The following TMEM39B variants were observed in gnomAD, a reference collection of about 807,000 sequenced individuals.
TMEM39B encodes transmembrane protein 39B.
A neutral mutation model predicts 52.2 loss-of-function variants in TMEM39B; 23 were observed. The ratio of observed to expected loss-of-function variants is 0.44; its 90% CI spans 0.32 to 0.62. The LOEUF (loss-of-function observed/expected upper bound fraction) is 0.62. TMEM39B is among the 20% of genes least tolerant of loss of function. The probability of loss-of-function intolerance (pLI) is 0.06; values close to 1 mark genes in which losing one functional copy is unlikely to be tolerated. For synonymous variants in TMEM39B, 285 were observed against 264.0 expected, an observed-to-expected ratio of 1.08 and a Z score of -0.77; for missense variants, 547 against 642.0, an observed-to-expected ratio of 0.85 and a Z score of 1.60.
chr1:32,102,733 G>C lies in TMEM39B; in HGVS notation c.*60G>C. On this transcript the variant is annotated 3_prime_UTR_variant, in exon 9 of 9. Coordinates refer to ENST00000336294, the MANE Select transcript of TMEM39B (RefSeq NM_018056.4). ...TCAGCCAAGGGCTCCCTGGCAAGGGGCTGTTGGGTAGAAGTGGTGGTGGGG... is the reference window on the plus strand; with the variant it reads ...TCAGCCAAGGGCTCCCTGGCAAGGGCCTGTTGGGTAGAAGTGGTGGTGGGG... 7.0e-7 allele frequency: 1 copy of C among 1,420,336 alleles called. No homozygotes were observed. Among genetic ancestry groups the C allele is most frequent in the Non-Finnish European group, 9.3e-7 (1 of 1,080,606 alleles). The allele number at this position is 1,420,336 out of a possible 1,614,324, so 88.0% of individuals were successfully genotyped here.
intron 5 of TMEM39B, among the ~76,000 whole-genome samples, chr1:32,083,994 G>GAC (rs59029097): frequency 5.4e-4 from 82 of 150,510 alleles, no homozygotes; most frequent in African/African-American, 1.1e-3. Context: ...CAGACACACA[G>GAC]ACACACACAC....
At chr1:32,102,291 C>T in intron 8 of TMEM39B, 140 bp from the exon 9 acceptor site, 1 of 1,161,858 alleles carries the variant, frequency 8.6e-7, no homozygotes, top group Non-Finnish European at 1.2e-6. Flanking sequence ...CCACATCCAA[C>T]CCCAGAAAGT....
intron 1 of TMEM39B, 40 bp from the exon 2 acceptor site, chr1:32,074,910 GC>G (rs1180393357): frequency 2.0e-6 from 3 of 1,528,274 alleles, no homozygotes; most frequent in East Asian, 2.5e-5. Flanking sequence ...CTTGATATAT[GC>G]CCCCTGGCTT....
intron 5 of TMEM39B, 114 bp from the exon 6 acceptor site, chr1:32,091,561 T>C: frequency 8.1e-7 from 1 of 1,238,454 alleles, no homozygotes; most frequent in East Asian, 2.5e-5. Context: ...AATTCTCCCC[T>C]CTGGGCAGCC....
At chr1:32,073,252 C>G in intron 1 of TMEM39B, 3 of 479,676 alleles carry the variant, frequency 6.3e-6, no homozygotes, top group Non-Finnish European at 9.1e-6. Flanking sequence ...GGACGGTGGG[C>G]GGGGCTTCTA....
At chr1:32,080,966 G>A (rs1640069709) in intron 5 of TMEM39B, among the ~76,000 whole-genome samples, 1 of 151,954 alleles carries the variant, frequency 6.6e-6, no homozygotes, top group Non-Finnish European at 1.5e-5. Flanking sequence ...TGGATTTGAG[G>A]CCGAAGTGAG....
intron 5 of TMEM39B, among the ~76,000 whole-genome samples, chr1:32,081,945 A>G (rs1413309253): frequency 6.6e-6 from 1 of 152,144 alleles, no homozygotes; most frequent in African/African-American, 2.4e-5. Context: ...TTCTACGCAT[A>G]TACAAACATA....
intron 1 of TMEM39B, chr1:32,073,814 G>T: frequency 1.0e-6 from 1 of 985,442 alleles, no homozygotes; most frequent in Non-Finnish European, 1.2e-6. Flanking sequence ...ACGCTTCCGA[G>T]CTGAGATGCT....
At position 32,102,508 on chromosome 1, in the gene TMEM39B, C is replaced by T. The variant is rs763949038; in HGVS notation, c.1314C>T (p.Tyr438=). ...GCGCTGTCATTGTCTATCAGCTGTA[C>T]TCCCTAATGTCCTCTGAAAAGTGGC... The part of the protein sequence containing the change: ...LEGAVIVYQL[Y]SLMSSEKWHQ... The change falls in exon 9 of 9, where the codon TAC becomes TAT. Residue 438 remains tyrosine, a synonymous_variant. Coordinates refer to ENST00000336294, the MANE Select transcript of TMEM39B (RefSeq NM_018056.4). 2 of 1,614,222 alleles carry T rather than the reference C, an allele frequency of 1.2e-6. No homozygotes were observed. Among genetic ancestry groups the T allele is most frequent in the South Asian group, 1.1e-5 (1 of 91,088 alleles).
At chr1:32,101,815 T>C (rs1641029225) in intron 8 of TMEM39B, among the ~76,000 whole-genome samples, 2 of 152,164 alleles carry the variant, frequency 1.3e-5, no homozygotes, top group South Asian at 2.1e-4. Context: ...CCCTAGACAC[T>C]GTGCACTCTT....
intron 7 of TMEM39B, among the ~76,000 whole-genome samples, chr1:32,099,667 A>C (rs1410110304): frequency 6.6e-6 from 1 of 152,128 alleles, no homozygotes; most frequent in Non-Finnish European, 1.5e-5. Context: ...CTGTGTGGTG[A>C]GGGTTGTGGG....
chr1:32,090,214 T>G (rs1640546471), intron 5 of TMEM39B, among the ~76,000 whole-genome samples: 1 of 152,040 alleles, frequency 6.6e-6, no homozygotes, highest in Non-Finnish European at 1.5e-5. Context: ...TTATAATTAC[T>G]TTTCTAGACT....
At chr1:32,079,416 C>T (rs1166374478) in intron 5 of TMEM39B, among the ~76,000 whole-genome samples, 2 of 151,896 alleles carry the variant, frequency 1.3e-5, no homozygotes, top group Non-Finnish European at 2.9e-5. Flanking sequence ...AATCTCCTGA[C>T]CTCATGATCT....
In TMEM39B at chr1:32,083,986, G is replaced by GACACACACACACACACACACACAC. The variant is rs779224876; in HGVS notation, c.590+6675_590+6676insCACACACACACACACACACACACA. Among the ~76,000 whole-genome samples the GACACACACACACACACACACACAC allele has an allele frequency of 1.0e-2, 1,510 of 151,444 alleles. 37 individuals carry two copies. The highest frequency in any genetic ancestry group is 0.035 in the African/African-American group (1,453 of 41,004). ...GGCAATAGAGCAAGACCCTGTTTCAGACACACAGACACACACACACACACA... is the reference window on the plus strand; with the variant it reads ...GGCAATAGAGCAAGACCCTGTTTCAGACACACACACACACACACACACACACACACAGACACACACACACACACA... On this transcript the variant is annotated intron_variant, in intron 5 of 8. Coordinates refer to ENST00000336294, the MANE Select transcript of TMEM39B (RefSeq NM_018056.4).
chr1:32,096,271 G>A (rs1640802715), intron 7 of TMEM39B, among the ~76,000 whole-genome samples: 2 of 152,022 alleles, frequency 1.3e-5, no homozygotes, highest in African/African-American at 4.8e-5. Flanking sequence ...TGACCATCCA[G>A]AATGGGTTCA....
chr1:32,077,935 G>A (rs1482205248), intron 5 of TMEM39B, among the ~76,000 whole-genome samples: 2 of 152,118 alleles, frequency 1.3e-5, no homozygotes, highest in Admixed American at 6.6e-5. Flanking sequence ...CCCATTTCTC[G>A]CCTTGCATCA....
chr1:32,093,240 A>G (rs1295176267), intron 6 of TMEM39B, among the ~76,000 whole-genome samples: 1 of 151,772 alleles, frequency 6.6e-6, no homozygotes, highest in Non-Finnish European at 1.5e-5. Context: ...CTGGGATTAC[A>G]GGCGAGCACC....
At chr1:32,082,600 G>T (rs1369658883) in intron 5 of TMEM39B, among the ~76,000 whole-genome samples, 2 of 149,266 alleles carry the variant, frequency 1.3e-5, no homozygotes, top group African/African-American at 2.5e-5. Context: ...GATTACAGGT[G>T]TGCACCACCA....
intron 7 of TMEM39B, among the ~76,000 whole-genome samples, chr1:32,097,645 TTTTG>T (rs1405215688): frequency 6.7e-6 from 1 of 150,346 alleles, no homozygotes; most frequent in Non-Finnish European, 1.5e-5. Flanking sequence ...AACTTCTTTT[TTTTG>T]TTTGTTTGTT....
Sources: allele counts gnomAD v4.1 joint callset (sites outside exome capture counted in the v4.1 genomes callset), GRCh38; gene constraint gnomAD v4.1.1; transcripts MANE v1.5; gene names NCBI Gene and HGNC (gene_info 2026-07-23, HGNC 2026-07-21).